The following KCNIP4 variants were observed in gnomAD, a reference collection of about 807,000 sequenced individuals.
The protein encoded by KCNIP4 is Kv channel-interacting protein 4.
Under a neutral mutation model 34.0 loss-of-function variants are expected in KCNIP4, and 12 were observed. The observed-to-expected ratio is 0.35, with a 90% CI of 0.23 to 0.57. The LOEUF is 0.57. Among genes scored for constraint, KCNIP4 ranks in the 20% least tolerant of loss-of-function variants. KCNIP4 has a pLI of 0.83. For missense variants in KCNIP4, 238 were observed against 311.7 expected, an observed-to-expected ratio of 0.76 and a Z score of 1.78; for synonymous variants, 124 against 102.2, an observed-to-expected ratio of 1.21 and a Z score of -1.29.
rs552570225 is a variant in KCNIP4 at position 21,198,113 on chromosome 4, T to C, written c.62-315404A>G. Reference sequence around the variant, plus strand: ...TTTTCAGAAAATTCAGGTAAGGACCTGAAATCCAAATTACTGCATGTTGCA... The same window carrying C: ...TTTTCAGAAAATTCAGGTAAGGACCCGAAATCCAAATTACTGCATGTTGCA... On this transcript the variant is annotated intron_variant, in intron 1 of 8. Coordinates refer to ENST00000382152, the MANE Select transcript of KCNIP4 (RefSeq NM_025221.6). 3.9e-5 allele frequency among the ~76,000 whole-genome samples: 6 copies of C among 152,344 alleles called. 1 individual carries two copies. The South Asian group carries it at 1.2e-3, about 32-fold the overall frequency.
intron 1 of KCNIP4, among the ~76,000 whole-genome samples, chr4:21,293,673 A>G (rs1302108508): frequency 6.6e-6 from 1 of 152,192 alleles, no homozygotes; most frequent in East Asian, 1.9e-4. Context: ...AAGAAAAGAC[A>G]AGATCTTTTA....
chr4:20,849,280 C>T (rs535317008), intron 3 of KCNIP4, among the ~76,000 whole-genome samples: 1 of 152,122 alleles, frequency 6.6e-6, no homozygotes, highest in African/African-American at 2.4e-5. Context: ...AACAAATTTA[C>T]TCTGCATAAT....
At chr4:21,651,556 A>C (rs1291761991) in intron 1 of KCNIP4, among the ~76,000 whole-genome samples, 1 of 152,234 alleles carries the variant, frequency 6.6e-6, no homozygotes, top group East Asian at 1.9e-4. Context: ...TTGGGTGACC[A>C]AGCTGATGTC....
intron 1 of KCNIP4, among the ~76,000 whole-genome samples, chr4:21,689,046 G>A (rs565895935): frequency 6.6e-6 from 1 of 151,954 alleles, no homozygotes; most frequent in Admixed American, 6.6e-5. Flanking sequence ...TTTATTTGCT[G>A]TACTGGCAGG....
In KCNIP4 at chr4:21,021,732, A is replaced by G. The variant is rs145674839; in HGVS notation, c.62-139023T>C. ...AACACCTGTGGAGCTGTCGTATTCTATGATGACAATGCCTTCTTCTGGAAG... is the reference window on the plus strand; with the variant it reads ...AACACCTGTGGAGCTGTCGTATTCTGTGATGACAATGCCTTCTTCTGGAAG... On this transcript the variant is annotated intron_variant, in intron 1 of 8. Transcript: ENST00000382152. Among the ~76,000 whole-genome samples, 356 of 152,286 alleles carry G rather than the reference A, an allele frequency of 2.3e-3. 2 individuals carry two copies. Among genetic ancestry groups the G allele is most frequent in the African/African-American group, 8.0e-3 (332 of 41,560 alleles).
At chr4:21,763,704 T>C (rs539091235) in intron 1 of KCNIP4, among the ~76,000 whole-genome samples, 2 of 152,196 alleles carry the variant, frequency 1.3e-5, no homozygotes, top group Non-Finnish European at 2.9e-5. Context: ...ACAGTTATTC[T>C]GAGGATTAAA....
chr4:21,886,526 G>A (rs773785236), intron 1 of KCNIP4, among the ~76,000 whole-genome samples: 2 of 152,202 alleles, frequency 1.3e-5, no homozygotes, highest in African/African-American at 2.4e-5. Flanking sequence ...ATGGGTTTCT[G>A]CCAGCACCAG....
At chr4:20,797,613 T>G (rs2149412193) in intron 3 of KCNIP4, among the ~76,000 whole-genome samples, 1 of 152,262 alleles carries the variant, frequency 6.6e-6, no homozygotes, top group South Asian at 2.1e-4. Flanking sequence ...GTAGAGCATT[T>G]TATCTGGCTG....
chr4:21,688,943 TA>T (rs1327733833), intron 1 of KCNIP4, among the ~76,000 whole-genome samples: 1 of 152,040 alleles, frequency 6.6e-6, no homozygotes, highest in African/African-American at 2.4e-5. Context: ...TGTCCTTGCC[TA>T]AAATTGTCCT....
At position 21,282,306 on chromosome 4, in the gene KCNIP4, G is replaced by C. The variant is rs190177771; in HGVS notation, c.62-399597C>G. Among the ~76,000 whole-genome samples, 84 of 152,184 alleles carry C rather than the reference G, an allele frequency of 5.5e-4. No individual in the cohort carries two copies. In the East Asian group the frequency reaches 0.015, roughly 28 times the overall value. ...ATATTATATCACTACCAAACTATAA[G>C]TAGATATCTTTTACCATAAAGAGAT... On this transcript the variant is annotated intron_variant, in intron 1 of 8. Transcript: ENST00000382152.
chr4:21,721,090 C>T (rs1714795860), intron 1 of KCNIP4, among the ~76,000 whole-genome samples: 1 of 152,148 alleles, frequency 6.6e-6, no homozygotes, highest in Non-Finnish European at 1.5e-5. Context: ...TGTTCTTTAA[C>T]ACTAGAGCCT....
intron 1 of KCNIP4, among the ~76,000 whole-genome samples, chr4:21,382,544 A>G (rs554917098): frequency 3.9e-5 from 6 of 152,092 alleles, no homozygotes; most frequent in Admixed American, 2.6e-4. Context: ...TATCTGCTTC[A>G]ATCTATTATT....
intron 1 of KCNIP4, among the ~76,000 whole-genome samples, chr4:21,892,117 TA>T (rs1727131172): frequency 6.6e-6 from 1 of 152,050 alleles, no homozygotes; most frequent in African/African-American, 2.4e-5. Context: ...CTGTTGTCAA[TA>T]GCTAAAAAAC....
chr4:21,939,165 TC>T (rs1730054494), intron 1 of KCNIP4, among the ~76,000 whole-genome samples: 1 of 152,174 alleles, frequency 6.6e-6, no homozygotes, highest in Admixed American at 6.6e-5. Context: ...AGTTTAATCT[TC>T]CCATTGTAGT....
intron 1 of KCNIP4, among the ~76,000 whole-genome samples, chr4:21,043,024 T>G (rs28681547): frequency 6.6e-6 from 1 of 152,342 alleles, no homozygotes; most frequent in Admixed American, 6.5e-5. Context: ...GCCAAGTGCT[T>G]TGAAGGCTCT....
chr4:21,114,801 C>T (rs79065611), intron 1 of KCNIP4, among the ~76,000 whole-genome samples: 2,568 of 152,178 alleles, frequency 0.017, 75 homozygotes, highest in African/African-American at 0.056. Context: ...CAAAGTTATA[C>T]AGCTAGTAAG....
At chr4:21,504,945 C>A (rs1157726390) in intron 1 of KCNIP4, among the ~76,000 whole-genome samples, 1 of 151,896 alleles carries the variant, frequency 6.6e-6, no homozygotes, top group African/African-American at 2.4e-5. Flanking sequence ...GGTAAGGTAG[C>A]CAATAAAAGT....
intron 1 of KCNIP4, among the ~76,000 whole-genome samples, chr4:21,324,080 CTTT>C (rs1157326186): frequency 9.2e-5 from 14 of 151,896 alleles, no homozygotes; most frequent in Non-Finnish European, 2.1e-4. Context: ...CTTTTGCCCA[CTTT>C]TAAGGTGTAT....
intron 1 of KCNIP4, among the ~76,000 whole-genome samples, chr4:20,970,682 C>T (rs1402446249): frequency 1.3e-5 from 2 of 152,162 alleles, no homozygotes; most frequent in African/African-American, 4.8e-5. Context: ...AATTATCCAG[C>T]CCCAAGTGTT....
Sources: allele counts gnomAD v4.1 joint callset (sites outside exome capture counted in the v4.1 genomes callset), GRCh38; gene constraint gnomAD v4.1.1; transcripts MANE v1.5; gene names NCBI Gene and HGNC (gene_info 2026-07-23, HGNC 2026-07-21).